The following SNCAIP variants were observed in gnomAD, a reference collection of about 807,000 sequenced individuals.
SNCAIP encodes synuclein alpha interacting protein.
Under a neutral mutation model 86.7 loss-of-function variants are expected in SNCAIP, and 43 were observed. That is an observed-to-expected ratio of 0.50 (90% CI 0.39 to 0.64). The LOEUF (loss-of-function observed/expected upper bound fraction) is 0.64, where lower values mean the gene tolerates loss of function less well. Ranked by LOEUF, SNCAIP falls within the 30% of genes least tolerant of loss-of-function variation. The pLI is 0.00. For missense variants in SNCAIP, 981 were observed against 1,103.1 expected (o/e 0.89, Z 1.57); for synonymous variants, 417 against 427.2 (o/e 0.98, Z 0.29).
In SNCAIP at chr5:122,432,091, G is replaced by C. The variant is rs1416597919; in HGVS notation, c.1296+9G>C. The C allele has an allele frequency of 4.0e-6, 5 of 1,253,844 alleles. No individual in the cohort carries two copies. The allele number at this position is 1,253,844 out of a possible 1,614,324, so 77.7% of individuals were successfully genotyped here. A position where few individuals can be genotyped will look rare whatever the true frequency, so the allele number is the denominator to read the frequency against. On this transcript the variant is annotated intron_variant, in intron 6 of 10. Coordinates refer to ENST00000261368, the MANE Select transcript of SNCAIP (RefSeq NM_005460.4). ...CAGGTTGCTATGGCCAGGTATGAAG[G>C]AGTTTTTTAAGTATCTTCCCTTTGT...
rs144492699 is a variant in SNCAIP at position 122,450,664 on chromosome 5, G to A, written c.1817G>A (p.Arg606Gln). The A allele has an allele frequency of 5.9e-4, 955 of 1,614,056 alleles. 1 individual carries two copies. The highest frequency in any genetic ancestry group is 7.6e-4 in the Non-Finnish European group (895 of 1,179,980). Residue 606 changes from arginine to glutamine, a missense_variant, in exon 10 of 11, where the codon CGG becomes CAG. Coordinates refer to ENST00000261368, the MANE Select transcript of SNCAIP (RefSeq NM_005460.4). ...CTTGGAAGCCTGTCAGCCTCCAGCCGGGCTAGACCCAAAGCAAAAGATGAA... is the reference window on the plus strand; with the variant it reads ...CTTGGAAGCCTGTCAGCCTCCAGCCAGGCTAGACCCAAAGCAAAAGATGAA... ...QVLGSLSASSRARPKAKDEDS... is the reference protein window; with the variant it reads ...QVLGSLSASSQARPKAKDEDS...
At chr5:122,335,968 T>C (rs867579593) in intron 1 of SNCAIP, among the ~76,000 whole-genome samples, 1 of 152,196 alleles carries the variant, frequency 6.6e-6, no homozygotes, top group African/African-American at 2.4e-5. Flanking sequence ...CAATGCCCTT[T>C]CTAGTAGCTG....
At position 122,450,665 on chromosome 5, in the gene SNCAIP, G is replaced by T; in HGVS notation, c.1818G>T (p.Arg606=). 6.2e-7 allele frequency: 1 copy of T among 1,614,092 alleles called. No homozygotes were observed. The highest frequency in any genetic ancestry group is 8.5e-7 in the Non-Finnish European group (1 of 1,180,016). Residue 606 remains arginine (R), a synonymous_variant, in exon 10 of 11, where the codon CGG becomes CGT. Transcript: ENST00000261368. Reference sequence around the variant, plus strand: ...TTGGAAGCCTGTCAGCCTCCAGCCGGGCTAGACCCAAAGCAAAAGATGAAG... The same window carrying T: ...TTGGAAGCCTGTCAGCCTCCAGCCGTGCTAGACCCAAAGCAAAAGATGAAG... ...QVLGSLSASS[R]ARPKAKDEDS... is the part of the protein sequence containing the mutation.
chr5:122,421,363 C>G (rs1389198115), intron 3 of SNCAIP, among the ~76,000 whole-genome samples: 1 of 152,204 alleles, frequency 6.6e-6, no homozygotes, highest in Non-Finnish European at 1.5e-5. Context: ...AGCACTCACT[C>G]TCATCCCGTT....
At chr5:122,414,370 A>G (rs1647409974) in intron 3 of SNCAIP, among the ~76,000 whole-genome samples, 1 of 151,534 alleles carries the variant, frequency 6.6e-6, no homozygotes. Flanking sequence ...AGCTGGGATT[A>G]CAGGCATGCA....
At chr5:122,443,221 A>G (rs984470695) in intron 7 of SNCAIP, among the ~76,000 whole-genome samples, 1 of 152,164 alleles carries the variant, frequency 6.6e-6, no homozygotes, top group African/African-American at 2.4e-5. Flanking sequence ...AAATTTAAAT[A>G]CTACAACTAT....
chr5:122,404,011 GC>G, intron 3 of SNCAIP, 146 bp downstream of exon 3: 1 of 696,118 alleles, frequency 1.4e-6, no homozygotes. Flanking sequence ...CCCACCTCAT[GC>G]CCTGCCTTCA....
chr5:122,427,683 G>A (rs1378746644), intron 5 of SNCAIP, among the ~76,000 whole-genome samples: 2 of 152,276 alleles, frequency 1.3e-5, no homozygotes, highest in Middle Eastern at 3.4e-3. Flanking sequence ...TTGAACACCA[G>A]TAACCAACTA....
At chr5:122,402,816 A>G (rs960562571) in intron 2 of SNCAIP, among the ~76,000 whole-genome samples, 9 of 152,118 alleles carry the variant, frequency 5.9e-5, no homozygotes, top group African/African-American at 1.9e-4. Context: ...AAATTTTGCA[A>G]TGGTGAAGTA....
intron 2 of SNCAIP, among the ~76,000 whole-genome samples, chr5:122,395,819 A>G (rs1770490414): frequency 1.3e-5 from 2 of 152,180 alleles, no homozygotes; most frequent in African/African-American, 2.4e-5. Context: ...GAAAAAGAGT[A>G]TAAAGGTATT....
chr5:122,426,184 A>C (rs1482076357), intron 5 of SNCAIP, among the ~76,000 whole-genome samples: 2 of 152,256 alleles, frequency 1.3e-5, no homozygotes, highest in African/African-American at 4.8e-5. Context: ...TATTCAACTA[A>C]AATTACCTAA....
chr5:122,337,705 A>T (rs1269289276), intron 1 of SNCAIP, among the ~76,000 whole-genome samples: 1 of 152,100 alleles, frequency 6.6e-6, no homozygotes, highest in Non-Finnish European at 1.5e-5. Flanking sequence ...ATGCCCTGCT[A>T]ATTTTTGCAT....
At chr5:122,366,254 T>C (rs1580722667) in intron 1 of SNCAIP, among the ~76,000 whole-genome samples, 1 of 152,098 alleles carries the variant, frequency 6.6e-6, no homozygotes, top group South Asian at 2.1e-4. Context: ...CACCCACAAG[T>C]TAGGGCCACT....
chr5:122,451,717 C>A, intron 10 of SNCAIP, 116 bp downstream of exon 10: 1 of 754,180 alleles, frequency 1.3e-6, no homozygotes, highest in Non-Finnish European at 2.2e-6. Context: ...AAAAAAAAAT[C>A]CAAAGGGATG....
At chr5:122,377,477 G>C (rs1300512580) in intron 1 of SNCAIP, among the ~76,000 whole-genome samples, 1 of 147,976 alleles carries the variant, frequency 6.8e-6, no homozygotes, top group African/African-American at 2.5e-5. Context: ...ACAAGAAAGG[G>C]GTGAGAGGGA....
intron 7 of SNCAIP, among the ~76,000 whole-genome samples, chr5:122,443,019 G>A (rs1380490347): frequency 2.6e-5 from 4 of 152,110 alleles, no homozygotes; most frequent in Non-Finnish European, 4.4e-5. Context: ...GGGCCAAGGG[G>A]GAGTAATAAC....
chr5:122,339,756 G>A (rs927243771), intron 1 of SNCAIP, among the ~76,000 whole-genome samples: 1 of 152,176 alleles, frequency 6.6e-6, no homozygotes, highest in African/African-American at 2.4e-5. Flanking sequence ...GCTATGAAGG[G>A]TCTCTTGTGA....
At chr5:122,399,264 T>C (rs1771269109) in intron 2 of SNCAIP, among the ~76,000 whole-genome samples, 1 of 152,134 alleles carries the variant, frequency 6.6e-6, no homozygotes, top group Non-Finnish European at 1.5e-5. Flanking sequence ...CTTTACAGTT[T>C]GCAAAATGAC....
chr5:122,410,408 AC>A (rs1773878404), intron 3 of SNCAIP, among the ~76,000 whole-genome samples: 1 of 152,158 alleles, frequency 6.6e-6, no homozygotes, highest in Admixed American at 6.5e-5. Context: ...TCTACCTTTA[AC>A]CCCTTTTAAC....
Sources: gnomAD v4.1 joint callset for allele counts (sites outside exome capture counted in the v4.1 genomes callset) on GRCh38, gnomAD v4.1.1 for gene constraint, MANE v1.5 for transcripts, NCBI Gene and HGNC (gene_info 2026-07-23, HGNC 2026-07-21) for gene names.